Variants in GALNT13 observed in about 807,000 individuals in gnomAD.
GALNT13 encodes the protein polypeptide N-acetylgalactosaminyltransferase 13.
In GALNT13, 28 loss-of-function variants were observed where a neutral mutation model predicts 64.2. That is an observed-to-expected ratio of 0.44 (90% confidence interval 0.32 to 0.60). GALNT13 has a LOEUF of 0.60. Among genes scored for constraint, GALNT13 ranks in the 20% least tolerant of loss-of-function variants. GALNT13 has a pLI of 0.05. For synonymous variants in GALNT13, 214 were observed against 224.6 expected (o/e 0.95, Z 0.42); for missense variants, 577 against 669.8 (o/e 0.86, Z 1.53).
chr2:153,586,721 C>T, the GALNT13 span, among the ~76,000 whole-genome samples: 4 of 151,932 alleles, frequency 2.6e-5, no homozygotes, highest in Admixed American at 1.3e-4. Context: ...CCAACAACTA[C>T]AGAATATACA....
the GALNT13 span, among the ~76,000 whole-genome samples, chr2:153,326,587 T>A: frequency 6.6e-6 from 1 of 152,212 alleles, no homozygotes; most frequent in Non-Finnish European, 1.5e-5. Context: ...GTGTCGATGG[T>A]CTTTACATTT....
intron 9 of GALNT13, among the ~76,000 whole-genome samples, chr2:154,330,872 T>G (rs116372804): frequency 6.6e-6 from 1 of 152,308 alleles, no homozygotes; most frequent in Non-Finnish European, 1.5e-5. Context: ...TTCTACTGAC[T>G]GTTCTAAAAT....
chr2:153,722,303 A>G, the GALNT13 span, among the ~76,000 whole-genome samples: 1 of 144,678 alleles, frequency 6.9e-6, no homozygotes, highest in Non-Finnish European at 1.5e-5. Flanking sequence ...GACGCATTCA[A>G]AGCAGTGTGT....
chr2:153,744,090 A>C, the GALNT13 span, among the ~76,000 whole-genome samples: 1 of 152,138 alleles, frequency 6.6e-6, no homozygotes, highest in Admixed American at 6.6e-5. Flanking sequence ...ATGGACACTT[A>C]GGTTGCTTCC....
At chr2:154,308,221 A>G (rs532512898) in intron 9 of GALNT13, among the ~76,000 whole-genome samples, 1 of 152,144 alleles carries the variant, frequency 6.6e-6, no homozygotes, top group Non-Finnish European at 1.5e-5. Context: ...TTAAACACAA[A>G]CCACACAATT....
the GALNT13 span, among the ~76,000 whole-genome samples, chr2:153,161,170 G>A: frequency 6.6e-6 from 1 of 152,212 alleles, no homozygotes; most frequent in Non-Finnish European, 1.5e-5. Flanking sequence ...CACCGCTTAT[G>A]AACTGCTTGA....
chr2:153,944,606 A>C lies in GALNT13; in HGVS notation c.109A>C (p.Lys37Gln), dbSNP rs752243974. ...CAGTGAATGTAACAAATGTGATGACAAGAAGGAGAGATCTCTGCTGCCTGC... is the reference window on the plus strand; with the variant it reads ...CAGTGAATGTAACAAATGTGATGACCAGAAGGAGAGATCTCTGCTGCCTGC... The part of the protein sequence containing the change: ...YFSECNKCDD[K>Q]KERSLLPALR... Residue 37 changes from lysine (K) to glutamine (Q), a missense_variant, in exon 3 of 13, where the codon AAG (lysine) becomes CAG (glutamine). By Grantham distance (53) the Lys-to-Gln change is moderately conservative. This residue lies in a region of GALNT13 where 341 missense variants were observed against 379.3 expected (regional missense o/e 0.90). Transcript: ENST00000392825. The C allele has an allele frequency of 1.4e-5, 23 of 1,613,508 alleles. No individual in the cohort carries two copies. In the South Asian group the frequency reaches 1.8e-4, roughly 12 times the overall value.
chr2:153,307,470 A>G, the GALNT13 span, among the ~76,000 whole-genome samples: 3 of 152,194 alleles, frequency 2.0e-5, no homozygotes, highest in African/African-American at 7.2e-5. Flanking sequence ...TGGATGAACA[A>G]TTACAAAGTT....
the GALNT13 span, among the ~76,000 whole-genome samples, chr2:153,447,380 G>T: frequency 1.3e-5 from 2 of 152,146 alleles, no homozygotes; most frequent in East Asian, 3.9e-4. Context: ...AAGATGCAAG[G>T]TGTCAGATAG....
chr2:153,144,198 T>C, the GALNT13 span, among the ~76,000 whole-genome samples: 1 of 151,958 alleles, frequency 6.6e-6, no homozygotes, highest in Admixed American at 6.6e-5. Context: ...GACTGGTGTT[T>C]ATTTGCCTTG....
intron 4 of GALNT13, among the ~76,000 whole-genome samples, chr2:154,207,176 G>A (rs555828609): frequency 2.8e-4 from 42 of 152,212 alleles, no homozygotes; most frequent in African/African-American, 6.7e-4. Flanking sequence ...TAAGGTGTAC[G>A]TATCCCTGTG....
intron 4 of GALNT13, among the ~76,000 whole-genome samples, chr2:154,144,266 C>G (rs571722140): frequency 1.4e-4 from 22 of 152,108 alleles, no homozygotes; most frequent in Non-Finnish European, 2.6e-4. Flanking sequence ...TGCCTGGGAA[C>G]AACTAATGTT....
At chr2:154,263,777 A>T (rs1431802537) in intron 8 of GALNT13, among the ~76,000 whole-genome samples, 3 of 152,238 alleles carry the variant, frequency 2.0e-5, no homozygotes, top group Non-Finnish European at 4.4e-5. Flanking sequence ...GTTAATTTTT[A>T]AAAGTATGTA....
intron 4 of GALNT13, among the ~76,000 whole-genome samples, chr2:154,173,859 C>A (rs1350694207): frequency 2.6e-5 from 4 of 152,100 alleles, no homozygotes; most frequent in Non-Finnish European, 4.4e-5. Context: ...GTTAAAATTA[C>A]TTTTATTAAA....
the GALNT13 span, among the ~76,000 whole-genome samples, chr2:153,842,551 A>T: frequency 6.6e-6 from 1 of 152,212 alleles, no homozygotes; most frequent in South Asian, 2.1e-4. Context: ...AATGAAGGTC[A>T]TCTATTTCTA....
At chr2:153,596,256 C>A in the GALNT13 span, among the ~76,000 whole-genome samples, 1 of 152,118 alleles carries the variant, frequency 6.6e-6, no homozygotes, top group Non-Finnish European at 1.5e-5. Context: ...TGCCCATAAC[C>A]AACACAGTTT....
chr2:153,400,252 G>C, the GALNT13 span, among the ~76,000 whole-genome samples: 2 of 151,894 alleles, frequency 1.3e-5, no homozygotes, highest in Non-Finnish European at 2.9e-5. Flanking sequence ...TATTGAACCA[G>C]CCTTGCATCC....
At chr2:154,239,754 G>A (rs1689381827) in intron 4 of GALNT13, among the ~76,000 whole-genome samples, 2 of 152,228 alleles carry the variant, frequency 1.3e-5, no homozygotes, top group Admixed American at 6.5e-5. Context: ...AATGTATGCT[G>A]GAAAATGTTG....
the GALNT13 span, among the ~76,000 whole-genome samples, chr2:153,813,665 A>G: frequency 6.6e-5 from 10 of 152,214 alleles, no homozygotes; most frequent in Non-Finnish European, 2.9e-5. Flanking sequence ...GCAAATGATT[A>G]TAGAATCTCT....
Sources: allele counts gnomAD v4.1 joint callset (sites outside exome capture counted in the v4.1 genomes callset), GRCh38; gene constraint gnomAD v4.1.1; regional missense constraint gnomAD v4.1.1; transcripts MANE v1.5; gene names NCBI Gene and HGNC (gene_info 2026-07-23, HGNC 2026-07-21).